Variants in BCAS3 observed in about 807,000 individuals in gnomAD.
The protein encoded by BCAS3 is BCAS3 microtubule associated cell migration factor.
A neutral mutation model predicts 116.1 loss-of-function variants in BCAS3; 53 were observed. The observed-to-expected ratio is 0.46, with a 90% CI of 0.37 to 0.57. The LOEUF is 0.57. BCAS3 is among the 20% of genes least tolerant of loss of function. The pLI, the probability that BCAS3 is intolerant of heterozygous loss-of-function variation, is 0.00. For missense variants in BCAS3, 917 were observed against 1,165.4 expected (o/e 0.79, Z 3.10); for synonymous variants, 391 against 408.2 (o/e 0.96, Z 0.51).
intron 7 of BCAS3, among the ~76,000 whole-genome samples, chr17:60,835,876 C>T (rs2051327964): frequency 6.6e-6 from 1 of 152,064 alleles, no homozygotes; most frequent in South Asian, 2.1e-4. Context: ...GGTAGAATGT[C>T]AAACATTTTA....
At chr17:61,184,837 A>G (rs2079675973) in intron 22 of BCAS3, among the ~76,000 whole-genome samples, 1 of 152,112 alleles carries the variant, frequency 6.6e-6, no homozygotes, top group Non-Finnish European at 1.5e-5. Context: ...ACAGACATAA[A>G]AGAATATATC....
intron 9 of BCAS3, among the ~76,000 whole-genome samples, chr17:60,879,600 C>G (rs967065812): frequency 6.6e-6 from 1 of 152,178 alleles, no homozygotes; most frequent in African/African-American, 2.4e-5. Flanking sequence ...ATGTCATTAG[C>G]AGTCATTTTC....
chr17:60,892,312 A>G (rs866952069), intron 10 of BCAS3, among the ~76,000 whole-genome samples: 2 of 126,804 alleles, frequency 1.6e-5, no homozygotes, highest in African/African-American at 5.6e-5. Context: ...TTTTTGACTT[A>G]TTTTTTTTTT....
intron 9 of BCAS3, among the ~76,000 whole-genome samples, chr17:60,880,646 G>A (rs1188430944): frequency 6.6e-6 from 1 of 152,070 alleles, no homozygotes; most frequent in African/African-American, 2.4e-5. Flanking sequence ...TCTACTTTTG[G>A]GCTGTTGTAG....
At position 61,106,579 on chromosome 17, in the gene BCAS3, G is replaced by A. The variant is rs546104321; in HGVS notation, c.2425+22015G>A. Among the ~76,000 whole-genome samples, 2 of 152,334 alleles carry A rather than the reference G, an allele frequency of 1.3e-5. No individual in the cohort carries two copies. Among genetic ancestry groups the A allele is most frequent in the East Asian group, 1.9e-4 (1 of 5,192 alleles). ...ACACATCTTTGTTGTTAAGCAATGC[G>A]TGGGTGTATAGTGTTGGTACTGTCC... On this transcript the variant is annotated intron_variant, in intron 22 of 23. Coordinates refer to ENST00000407086, the MANE Select transcript of BCAS3 (RefSeq NM_017679.5). The surrounding 1 kb of genome is among the most constrained non-coding windows in gnomAD (Gnocchi z 4.2).
chr17:60,686,554 T>G (rs1195142963), intron 3 of BCAS3, among the ~76,000 whole-genome samples: 1 of 152,130 alleles, frequency 6.6e-6, no homozygotes, highest in East Asian at 1.9e-4. Context: ...AGATGGAGTT[T>G]CACTCTTGTC....
At chr17:61,242,853 A>C (rs566442329) in intron 22 of BCAS3, among the ~76,000 whole-genome samples, 23 of 150,986 alleles carry the variant, frequency 1.5e-4, no homozygotes, top group African/African-American at 4.6e-4. Context: ...TTAAAAAAAA[A>C]CAAAAAAACC....
chr17:61,228,479 T>C lies in BCAS3; in HGVS notation c.2426-139848T>C, dbSNP rs1045028546. The stretch of plus-strand genomic sequence containing the variant: ...CAGATGATATTGCATTTTTTACAAA[T>C]TGAAGATTTGTGGCAACTGTGTTAA... On this transcript the variant is annotated intron_variant, in intron 22 of 23. Transcript: ENST00000407086. The surrounding 1 kb of genome is among the most constrained non-coding windows in gnomAD (Gnocchi z 5.0). 6.6e-6 allele frequency among the ~76,000 whole-genome samples: 1 copy of C among 152,252 alleles called. No homozygotes were observed.
intron 22 of BCAS3, among the ~76,000 whole-genome samples, chr17:61,303,297 C>T (rs1030656904): frequency 2.0e-5 from 3 of 152,194 alleles, no homozygotes; most frequent in Non-Finnish European, 2.9e-5. Context: ...AGTCCCTCAT[C>T]TATGAGCGTG....
chr17:61,371,830 A>G (rs746413909), intron 23 of BCAS3, among the ~76,000 whole-genome samples: 6 of 152,246 alleles, frequency 3.9e-5, no homozygotes, highest in Non-Finnish European at 7.3e-5. Flanking sequence ...CGAGGTCTGC[A>G]TTTCAGCAGG....
At chr17:60,861,059 T>A (rs1323933946) in intron 7 of BCAS3, among the ~76,000 whole-genome samples, 2 of 152,208 alleles carry the variant, frequency 1.3e-5, no homozygotes, top group Admixed American at 6.5e-5. Context: ...GGAAGAGCAT[T>A]GAAACTGTAA....
chr17:61,179,860 TTCTC>T (rs965020635), intron 22 of BCAS3, among the ~76,000 whole-genome samples: 47 of 147,026 alleles, frequency 3.2e-4, no homozygotes, highest in African/African-American at 1.1e-3. Flanking sequence ...ATCACTGTTT[TTCTC>T]TCTCTCTCTC....
At chr17:60,749,798 A>G (rs904521863) in intron 6 of BCAS3, among the ~76,000 whole-genome samples, 2 of 152,160 alleles carry the variant, frequency 1.3e-5, no homozygotes, top group Non-Finnish European at 2.9e-5. Flanking sequence ...ATAGAATCCA[A>G]TGACATATAA....
Position 61,261,647 on chromosome 17 carries a change from A to G in BCAS3, c.2426-106680A>G, listed in dbSNP as rs1314026096. On this transcript the variant is annotated intron_variant, in intron 22 of 23. Coordinates refer to ENST00000407086, the MANE Select transcript of BCAS3 (RefSeq NM_017679.5). This position sits in a 1 kb window ranked among gnomAD's most constrained non-coding sequence, Gnocchi z 4.4. ...TGACCATCTCCACGATTTCTAGTGT[A>G]CAAATTGATGGTTGCATATACAGGA... is the stretch of plus-strand genomic sequence containing the variant. 6.6e-6 allele frequency among the ~76,000 whole-genome samples: 1 copy of G among 152,228 alleles called. No homozygotes were observed. The highest frequency in any genetic ancestry group is 1.5e-5 in the Non-Finnish European group (1 of 68,048).
chr17:60,856,233 C>A (rs1381772283), intron 7 of BCAS3, among the ~76,000 whole-genome samples: 2 of 152,074 alleles, frequency 1.3e-5, no homozygotes, highest in African/African-American at 4.8e-5. Flanking sequence ...GAAGACTCAA[C>A]CTCCTAGTTT....
chr17:60,934,149 T>TA (rs946345509), intron 13 of BCAS3, among the ~76,000 whole-genome samples: 1 of 151,972 alleles, frequency 6.6e-6, no homozygotes, highest in African/African-American at 2.4e-5. Flanking sequence ...TAGAATGGAG[T>TA]AAAAAAATAT....
intron 6 of BCAS3, among the ~76,000 whole-genome samples, chr17:60,756,629 A>G (rs57825573): frequency 0.044 from 6,653 of 152,146 alleles, 537 homozygotes; most frequent in African/African-American, 0.15. Context: ...GCCACATAAT[A>G]TTTCATTCTG....
intron 14 of BCAS3, among the ~76,000 whole-genome samples, chr17:60,970,869 C>G (rs1185154458): frequency 6.6e-6 from 1 of 152,178 alleles, no homozygotes; most frequent in Non-Finnish European, 1.5e-5. Context: ...TAGAGTAACA[C>G]TACTAGCTAC....
chr17:61,265,843 G>A lies in BCAS3; in HGVS notation c.2426-102484G>A, dbSNP rs1314206894. ...TCCACCATTTTTATAATAAACACTTGCAAACTCACACCTTCTCTTGCTAAC... is the reference window on the plus strand; with the variant it reads ...TCCACCATTTTTATAATAAACACTTACAAACTCACACCTTCTCTTGCTAAC... On this transcript the variant is annotated intron_variant, in intron 22 of 23. Transcript: ENST00000407086. This position sits in a 1 kb window ranked among gnomAD's most constrained non-coding sequence, Gnocchi z 4.3. 1.3e-5 allele frequency among the ~76,000 whole-genome samples: 2 copies of A among 152,010 alleles called. No homozygotes were observed. Among genetic ancestry groups the A allele is most frequent in the African/African-American group, 4.8e-5 (2 of 41,382 alleles).
Sources: gnomAD v4.1 joint callset for allele counts (sites outside exome capture counted in the v4.1 genomes callset) on GRCh38, gnomAD v4.1.1 for gene constraint, Gnocchi (gnomAD v3.1) non-coding constraint, MANE v1.5 for transcripts, NCBI Gene and HGNC (gene_info 2026-07-23, HGNC 2026-07-21) for gene names.